EYA4: variants seen among roughly 807,000 people sequenced by gnomAD.
EYA4 encodes the protein protein phosphatase EYA4.
A neutral mutation model predicts 87.9 loss-of-function variants in EYA4; 31 were observed. That is an observed-to-expected ratio of 0.35 (90% CI 0.27 to 0.48). The LOEUF (loss-of-function observed/expected upper bound fraction) is 0.48. Among genes scored for constraint, EYA4 ranks in the 20% least tolerant of loss-of-function variants. The pLI is 0.99. For synonymous variants in EYA4, 263 were observed against 270.6 expected (o/e 0.97, Z 0.28); for missense variants, 678 against 761.4 (o/e 0.89, Z 1.29).
intron 1 of EYA4, among the ~76,000 whole-genome samples, chr6:133,265,127 A>G (rs1562222687): frequency 6.6e-6 from 1 of 152,178 alleles, no homozygotes; most frequent in East Asian, 1.9e-4. Flanking sequence ...TGAATTTGTA[A>G]TTCTAATTTT....
intron 17 of EYA4, among the ~76,000 whole-genome samples, chr6:133,520,652 A>C (rs1313734980): frequency 7.0e-6 from 1 of 142,636 alleles, no homozygotes; most frequent in African/African-American, 2.6e-5. Flanking sequence ...GTTCATATGG[A>C]ACCAAAAAAG....
At chr6:133,436,501 GA>G (rs911801291) in intron 3 of EYA4, among the ~76,000 whole-genome samples, 5 of 152,102 alleles carry the variant, frequency 3.3e-5, no homozygotes, top group Non-Finnish European at 7.4e-5. Context: ...TAGGAATAGG[GA>G]AAAAAATTCA....
chr6:133,464,814 A>G lies in EYA4; in HGVS notation c.760A>G (p.Asn254Asp). 1 of 1,611,486 alleles carries G rather than the reference A, an allele frequency of 6.2e-7. No homozygotes were observed. Among genetic ancestry groups the G allele is most frequent in the Non-Finnish European group, 8.5e-7 (1 of 1,178,302 alleles). The change falls in exon 10 of 20, where the codon AAT (asparagine) becomes GAT (aspartate). Residue 254 changes from asparagine to aspartate, a missense_variant. Asn to Asp is a conservative substitution (Grantham distance 23, BLOSUM62 1). Transcript: ENST00000355286. Reference protein sequence around the residue: ...SFAPSSTIYANNSVSNSTNFS... With the variant: ...SFAPSSTIYADNSVSNSTNFS... ...TGCACCATCATCTACTATTTATGCA[A>G]ATAATTCAGTTTCCAATTCAACGAA...
At chr6:133,383,517 CAAAAAAAAA>C (rs768724484) in intron 3 of EYA4, among the ~76,000 whole-genome samples, 294 of 45,234 alleles carry the variant, frequency 6.5e-3, no homozygotes, top group African/African-American at 0.023. Context: ...GACTCCATCT[CAAAAAAAAA>C]AAAAAAAAAA....
At chr6:133,330,732 A>G (rs1328311998) in intron 2 of EYA4, among the ~76,000 whole-genome samples, 1 of 152,000 alleles carries the variant, frequency 6.6e-6, no homozygotes, top group Non-Finnish European at 1.5e-5. Context: ...ATTTGTCCCA[A>G]GTAAATAAAG....
At chr6:133,255,794 A>G (rs779544291) in intron 1 of EYA4, among the ~76,000 whole-genome samples, 1 of 152,056 alleles carries the variant, frequency 6.6e-6, no homozygotes, top group Non-Finnish European at 1.5e-5. Context: ...CAGATATTTC[A>G]TAATTTCACT....
At chr6:133,251,130 C>T (rs549676748) in intron 1 of EYA4, among the ~76,000 whole-genome samples, 10 of 152,218 alleles carry the variant, frequency 6.6e-5, no homozygotes, top group South Asian at 4.1e-4. Flanking sequence ...TAAATATTTC[C>T]GCATACAGTA....
chr6:133,336,056 G>A (rs1782341726), intron 2 of EYA4, among the ~76,000 whole-genome samples: 1 of 152,100 alleles, frequency 6.6e-6, no homozygotes, highest in Non-Finnish European at 1.5e-5. Flanking sequence ...TAGGGTAGAG[G>A]AAAGCTCTGC....
chr6:133,301,462 T>C (rs1360817121), intron 2 of EYA4, among the ~76,000 whole-genome samples: 1 of 152,182 alleles, frequency 6.6e-6, no homozygotes, highest in Non-Finnish European at 1.5e-5. Context: ...ATGCCTTTTA[T>C]TTGGTGAAGA....
intron 1 of EYA4, among the ~76,000 whole-genome samples, chr6:133,267,012 A>G (rs536755922): frequency 6.6e-6 from 1 of 152,290 alleles, no homozygotes; most frequent in South Asian, 2.1e-4. Context: ...CCCTTCCCCT[A>G]AAGAGATTAT....
intron 15 of EYA4, 22 bp from the exon 16 acceptor site, chr6:133,512,856 T>A: frequency 6.2e-7 from 1 of 1,613,854 alleles, no homozygotes; most frequent in Non-Finnish European, 8.5e-7. Flanking sequence ...TATTTCTTTT[T>A]AATGTATTTT....
chr6:133,355,125 C>T (rs934706705), intron 2 of EYA4, among the ~76,000 whole-genome samples: 1 of 152,004 alleles, frequency 6.6e-6, no homozygotes, highest in Non-Finnish European at 1.5e-5. Flanking sequence ...GGTACAAGTG[C>T]AGGGTTTGTT....
chr6:133,366,525 C>T (rs968348216), intron 2 of EYA4, among the ~76,000 whole-genome samples: 3 of 152,208 alleles, frequency 2.0e-5, no homozygotes, highest in Non-Finnish European at 4.4e-5. Flanking sequence ...GCCCCACCTC[C>T]ATTTGACCTG....
intron 11 of EYA4, 101 bp from the exon 12 acceptor site, chr6:133,481,362 G>T: frequency 8.5e-7 from 1 of 1,176,238 alleles, no homozygotes; most frequent in East Asian, 2.3e-5. Context: ...CCATCAGGAG[G>T]TTTCTATTGT....
intron 3 of EYA4, among the ~76,000 whole-genome samples, chr6:133,439,951 G>C (rs926815762): frequency 1.3e-5 from 2 of 152,186 alleles, no homozygotes; most frequent in Non-Finnish European, 1.5e-5. Flanking sequence ...CCTTTCTTTT[G>C]AATGTGCAGG....
intron 2 of EYA4, among the ~76,000 whole-genome samples, chr6:133,279,898 A>G (rs1015798320): frequency 2.0e-5 from 3 of 152,200 alleles, no homozygotes; most frequent in Admixed American, 6.5e-5. Context: ...TTTAAACAGT[A>G]TGCTAGAATA....
intron 2 of EYA4, among the ~76,000 whole-genome samples, chr6:133,299,230 C>T (rs991475929): frequency 1.3e-5 from 2 of 152,144 alleles, no homozygotes; most frequent in Non-Finnish European, 2.9e-5. Context: ...ATAATGTGTG[C>T]AATTTGACAC....
At chr6:133,342,024 A>G (rs891413152) in intron 2 of EYA4, among the ~76,000 whole-genome samples, 2 of 152,136 alleles carry the variant, frequency 1.3e-5, no homozygotes, top group Non-Finnish European at 2.9e-5. Flanking sequence ...GTCATTTGAA[A>G]CATGCTGGGC....
At chr6:133,310,184 T>A (rs928956306) in intron 2 of EYA4, among the ~76,000 whole-genome samples, 3 of 152,164 alleles carry the variant, frequency 2.0e-5, no homozygotes, top group Non-Finnish European at 4.4e-5. Context: ...GGTCAATAAT[T>A]TCTACTTGCA....
Sources: allele counts gnomAD v4.1 joint callset (sites outside exome capture counted in the v4.1 genomes callset), GRCh38; gene constraint gnomAD v4.1.1; transcripts MANE v1.5; gene names NCBI Gene and HGNC (gene_info 2026-07-23, HGNC 2026-07-21).